SORCS2: variants seen among roughly 807,000 people sequenced by gnomAD.
The protein encoded by SORCS2 is VPS10 domain-containing receptor SorCS2.
A neutral mutation model predicts 141.6 loss-of-function variants in SORCS2; 100 were observed. The observed-to-expected ratio is 0.71, with a 90% CI of 0.60 to 0.83. The LOEUF (loss-of-function observed/expected upper bound fraction) is 0.83, where lower values mean the gene tolerates loss of function less well. Ranked by LOEUF, SORCS2 falls within the 40% of genes least tolerant of loss-of-function variation. The pLI, the probability that SORCS2 is intolerant of heterozygous loss-of-function variation, is 0.00. For missense variants in SORCS2, 1,646 were observed against 1,560.2 expected (o/e 1.05, Z -0.93); for synonymous variants, 789 against 676.9 (o/e 1.17, Z -2.57).
At chr4:7,453,212 C>A (rs368258310) in intron 2 of SORCS2, among the ~76,000 whole-genome samples, 3 of 99,674 alleles carry the variant, frequency 3.0e-5, no homozygotes, top group African/African-American at 8.2e-5. Context: ...TGGGGTCAGG[C>A]GCTGTGTTGG....
At chr4:7,540,839 T>C (rs752464554) in intron 3 of SORCS2, among the ~76,000 whole-genome samples, 1 of 152,208 alleles carries the variant, frequency 6.6e-6, no homozygotes, top group African/African-American at 2.4e-5. Flanking sequence ...TCTGGTCATG[T>C]GGACTGTTAA....
rs1726053188 is a variant in SORCS2, at chr4:7,714,451, A to C, written c.2123+78A>C. 6 of 1,461,504 alleles carry C rather than the reference A, an allele frequency of 4.1e-6. No individual in the cohort carries two copies. In the East Asian group the frequency reaches 1.0e-4, roughly 24 times the overall value. The allele number at this position is 1,461,504 out of a possible 1,614,324, so 90.5% of individuals were successfully genotyped here. ...ACAGCATGGCGGCCACTTCCCTCAG[A>C]GTGAGGGAGGAAGCCTCAGCGCCTT... is the stretch of plus-strand genomic sequence containing the variant. On this transcript the variant is annotated intron_variant, in intron 16 of 26. Transcript: ENST00000507866.
intron 2 of SORCS2, among the ~76,000 whole-genome samples, chr4:7,420,562 G>A (rs1346978604): frequency 6.6e-6 from 1 of 152,204 alleles, no homozygotes; most frequent in Non-Finnish European, 1.5e-5. Context: ...ATGGGACTCA[G>A]GAAGGCAGGG....
chr4:7,438,773 G>A (rs1727466292), intron 2 of SORCS2, among the ~76,000 whole-genome samples: 1 of 151,690 alleles, frequency 6.6e-6, no homozygotes, highest in Admixed American at 6.6e-5. Flanking sequence ...TGTCCCACTT[G>A]CTTCGAGGTT....
At chr4:7,461,498 A>G (rs1729308371) in intron 2 of SORCS2, among the ~76,000 whole-genome samples, 1 of 152,236 alleles carries the variant, frequency 6.6e-6, no homozygotes, top group Non-Finnish European at 1.5e-5. Flanking sequence ...ACATGTGTAC[A>G]TGGACTCACG....
rs553260916 is a variant in SORCS2, at chr4:7,366,776, C to T, written c.481-29512C>T. 6.3e-4 allele frequency among the ~76,000 whole-genome samples: 96 copies of T among 152,226 alleles called. 1 individual carries two copies. Among genetic ancestry groups the T allele is most frequent in the Non-Finnish European group, 9.6e-4 (65 of 68,006 alleles). Reference sequence around the variant, plus strand: ...GTTTCATGTCTACCCCCCCAACCCCCAACAGCTTCACAGGGCCAGGGACCT... The same window carrying T: ...GTTTCATGTCTACCCCCCCAACCCCTAACAGCTTCACAGGGCCAGGGACCT... On this transcript the variant is annotated intron_variant, in intron 1 of 26. Coordinates refer to ENST00000507866, the MANE Select transcript of SORCS2 (RefSeq NM_020777.3).
intron 2 of SORCS2, among the ~76,000 whole-genome samples, chr4:7,467,468 T>G (rs981843055): frequency 1.3e-5 from 2 of 152,218 alleles, no homozygotes; most frequent in African/African-American, 2.4e-5. Context: ...ATCATCACTC[T>G]GGCCTCCGAG....
At chr4:7,628,217 A>G (rs16840756) in intron 3 of SORCS2, among the ~76,000 whole-genome samples, 5,471 of 152,156 alleles carry the variant, frequency 0.036, 316 homozygotes, top group African/African-American at 0.12. Flanking sequence ...ACAGAACGCC[A>G]CCTCCATTAA....
intron 1 of SORCS2, among the ~76,000 whole-genome samples, chr4:7,292,352 C>T (rs1467628762): frequency 6.6e-6 from 1 of 152,064 alleles, no homozygotes; most frequent in South Asian, 2.1e-4. Context: ...GGAGGCTCCC[C>T]ACCCCACAGC....
At position 7,664,489 on chromosome 4, in the gene SORCS2, G is replaced by A. The variant is rs1429933342; in HGVS notation, c.1071+18G>A. 9 of 1,561,798 alleles carry A rather than the reference G, an allele frequency of 5.8e-6. No individual in the cohort carries two copies. Among genetic ancestry groups the A allele is most frequent in the Non-Finnish European group, 7.8e-6 (9 of 1,147,760 alleles). On this transcript the variant is annotated intron_variant, in intron 7 of 26. Transcript: ENST00000507866. This position sits in a 1 kb window ranked among gnomAD's most constrained non-coding sequence, Gnocchi z 4.7. Reference sequence around the variant, plus strand: ...TCTTTAAGGTAAGGTTGCTTCTGGGGCTTTTGGAAATTGGCAACAGGTGAC... The same window carrying A: ...TCTTTAAGGTAAGGTTGCTTCTGGGACTTTTGGAAATTGGCAACAGGTGAC...
At chr4:7,665,224 C>T (rs1722432057) in intron 7 of SORCS2, among the ~76,000 whole-genome samples, 1 of 152,186 alleles carries the variant, frequency 6.6e-6, no homozygotes, top group Non-Finnish European at 1.5e-5. Context: ...CATGTCTCAG[C>T]CACACTTGGT....
chr4:7,472,904 CAA>C (rs1730064724), intron 2 of SORCS2, among the ~76,000 whole-genome samples: 1 of 143,636 alleles, frequency 7.0e-6, no homozygotes, highest in African/African-American at 2.6e-5. Flanking sequence ...TGGATGGGGC[CAA>C]AGTGTTCATC....
intron 3 of SORCS2, among the ~76,000 whole-genome samples, chr4:7,549,660 G>A (rs2109625794): frequency 6.6e-6 from 1 of 152,328 alleles, no homozygotes; most frequent in African/African-American, 2.4e-5. Context: ...CCCAGCACTG[G>A]TGCAAGCACA....
At chr4:7,433,248 T>C in intron 2 of SORCS2, 3 of 1,309,426 alleles carry the variant, frequency 2.3e-6, no homozygotes, top group South Asian at 5.6e-5. Context: ...ATTTGTGAAA[T>C]GGGGATGGGG....
intron 3 of SORCS2, among the ~76,000 whole-genome samples, chr4:7,543,416 T>TCCATCCACCCATCCATCC: frequency 1.3e-5 from 1 of 76,440 alleles, no homozygotes; most frequent in Non-Finnish European, 3.2e-5. Context: ...CCCATCCATC[T>TCCATCCACCCATCCATCC]ATCCATCCAT....
intron 2 of SORCS2, among the ~76,000 whole-genome samples, chr4:7,488,063 G>A (rs1454779078): frequency 6.6e-6 from 1 of 152,154 alleles, no homozygotes; most frequent in Non-Finnish European, 1.5e-5. Context: ...AAGGTAATGC[G>A]CATCTCCCGG....
chr4:7,224,679 C>T (rs942650078), intron 1 of SORCS2, among the ~76,000 whole-genome samples: 4 of 152,236 alleles, frequency 2.6e-5, no homozygotes, highest in African/African-American at 9.6e-5. Context: ...CCACCGCCAA[C>T]ACTGGGGAAT....
At chr4:7,310,311 A>C (rs1369901699) in intron 1 of SORCS2, 1 of 154,064 alleles carries the variant, frequency 6.5e-6, no homozygotes, top group Non-Finnish European at 1.5e-5. Context: ...AAGTTAAGAC[A>C]GTTGTCCAAG....
chr4:7,321,187 A>T (rs539191222), intron 1 of SORCS2, among the ~76,000 whole-genome samples: 5 of 152,316 alleles, frequency 3.3e-5, no homozygotes, highest in African/African-American at 4.8e-5. Context: ...AAGTGAGAAC[A>T]TAGAGTATTT....
Sources: allele counts gnomAD v4.1 joint callset (sites outside exome capture counted in the v4.1 genomes callset), GRCh38; gene constraint gnomAD v4.1.1; non-coding constraint Gnocchi (gnomAD v3.1); transcripts MANE v1.5; gene names NCBI Gene and HGNC (gene_info 2026-07-23, HGNC 2026-07-21).